The following SLC9B2 variants were observed in gnomAD, a reference collection of about 807,000 sequenced individuals.
SLC9B2 encodes the protein sodium/hydrogen exchanger 9B2.
Under a neutral mutation model 52.2 loss-of-function variants are expected in SLC9B2, and 39 were observed. That is an observed-to-expected ratio of 0.75 (90% CI 0.58 to 0.98). The LOEUF (loss-of-function observed/expected upper bound fraction) is 0.98, where lower values mean the gene tolerates loss of function less well. SLC9B2 is among the 50% of genes least tolerant of loss of function. SLC9B2 has a pLI of 0.00. For missense variants in SLC9B2, 626 were observed against 637.5 expected (o/e 0.98, Z 0.19); for synonymous variants, 214 against 227.0 (o/e 0.94, Z 0.51).
chr4:103,066,184 C>T, intron 3 of SLC9B2, 143 bp downstream of exon 3: 1 of 925,548 alleles, frequency 1.1e-6, no homozygotes, highest in South Asian at 1.8e-5. Context: ...GGAGCAGAGC[C>T]ACCCATGTGT....
rs779008400 is a variant in SLC9B2 at position 103,045,006 on chromosome 4, A to C, written c.890-10T>G. ...TTAAAGACAGTAGAGCCTGAAAAAT[A>C]TATTAAAAAAACTTAGAGCTCTAAA... On this transcript the variant is annotated splice_polypyrimidine_tract_variant and intron_variant, in intron 7 of 11. Transcript: ENST00000394785. 3 of 1,588,970 alleles carry C rather than the reference A, an allele frequency of 1.9e-6. No homozygotes were observed. Among genetic ancestry groups the C allele is most frequent in the Non-Finnish European group, 2.6e-6 (3 of 1,160,016 alleles).
At chr4:103,046,903 C>G in intron 7 of SLC9B2, 148 bp downstream of exon 7, 3 of 886,150 alleles carry the variant, frequency 3.4e-6, no homozygotes. Context: ...AGCTTCTGGA[C>G]CCTCCTTAGG....
intron 3 of SLC9B2, among the ~76,000 whole-genome samples, chr4:103,064,168 C>T (rs559049271): frequency 1.6e-3 from 238 of 152,266 alleles, no homozygotes; most frequent in African/African-American, 5.3e-3. Flanking sequence ...GAAATGAAAT[C>T]GGTATGTTGA....
downstream of SLC9B2, among the ~76,000 whole-genome samples, chr4:103,019,312 C>T (rs1431609651): frequency 6.6e-6 from 1 of 152,130 alleles, no homozygotes; most frequent in African/African-American, 2.4e-5. Flanking sequence ...TCTTAACTGA[C>T]AGATCTCTTC....
At chr4:103,018,409 A>G (rs1380768741), downstream of SLC9B2, among the ~76,000 whole-genome samples, 1 of 152,234 alleles carries the variant, frequency 6.6e-6, no homozygotes, top group Non-Finnish European at 1.5e-5. Context: ...AGTTAAAAAA[A>G]ATTCTGGTAC....
At chr4:103,057,273 T>TATATATACAC (rs1220375909) in intron 4 of SLC9B2, among the ~76,000 whole-genome samples, 3 of 143,224 alleles carry the variant, frequency 2.1e-5, no homozygotes, top group African/African-American at 5.3e-5. Context: ...TATATATATA[T>TATATATACAC]ACACACACAC....
At chr4:103,018,231 C>G (rs942357689), downstream of SLC9B2, among the ~76,000 whole-genome samples, 9 of 152,144 alleles carry the variant, frequency 5.9e-5, no homozygotes, top group African/African-American at 2.2e-4. Context: ...TAGCACCCAC[C>G]TATTTCCTTG....
At chr4:103,071,196 TTTG>T (rs750564896) in intron 1 of SLC9B2, among the ~76,000 whole-genome samples, 14 of 151,554 alleles carry the variant, frequency 9.2e-5, no homozygotes, top group Non-Finnish European at 1.5e-4. Context: ...ATATATATAT[TTTG>T]TTGTTGTTGT....
At chr4:103,072,152 G>A (rs1011981646) in intron 1 of SLC9B2, among the ~76,000 whole-genome samples, 7 of 140,756 alleles carry the variant, frequency 5.0e-5, no homozygotes, top group African/African-American at 1.9e-4. Flanking sequence ...TCTGCCTTCC[G>A]GTTTCAAGCT....
intron 4 of SLC9B2, among the ~76,000 whole-genome samples, chr4:103,053,874 T>C (rs1263943236): frequency 6.6e-6 from 1 of 152,104 alleles, no homozygotes; most frequent in South Asian, 2.1e-4. Flanking sequence ...TGGCTAATTT[T>C]TTGTATTTTT....
chr4:103,075,742 A>G (rs1469409055), intron 1 of SLC9B2, among the ~76,000 whole-genome samples: 2 of 152,188 alleles, frequency 1.3e-5, no homozygotes, highest in South Asian at 2.1e-4. Flanking sequence ...TAGCAAAGCC[A>G]TAATATAAAA....
At chr4:103,058,586 G>T (rs1745364793) in intron 3 of SLC9B2, among the ~76,000 whole-genome samples, 1 of 151,998 alleles carries the variant, frequency 6.6e-6, no homozygotes, top group Non-Finnish European at 1.5e-5. Flanking sequence ...TTTTTTAGTG[G>T]AGACAGGGTT....
chr4:103,063,639 A>C (rs1411671760), intron 3 of SLC9B2, among the ~76,000 whole-genome samples: 1 of 152,240 alleles, frequency 6.6e-6, no homozygotes, highest in African/African-American at 2.4e-5. Context: ...TGGTCTGAGC[A>C]ATAACTTTTT....
At chr4:103,027,506 A>G (rs2110569375) in intron 11 of SLC9B2, among the ~76,000 whole-genome samples, 1 of 152,290 alleles carries the variant, frequency 6.6e-6, no homozygotes, top group South Asian at 2.1e-4. Context: ...AAACATTATG[A>G]AAATTCTCAG....
At chr4:103,042,797 T>C (rs1489339285) in intron 9 of SLC9B2, among the ~76,000 whole-genome samples, 1 of 151,700 alleles carries the variant, frequency 6.6e-6, no homozygotes, top group East Asian at 1.9e-4. Context: ...TAAACTAAAA[T>C]ATATACTATA....
chr4:103,042,687 T>C (rs1275064923), intron 9 of SLC9B2, among the ~76,000 whole-genome samples: 2 of 151,566 alleles, frequency 1.3e-5, no homozygotes, highest in African/African-American at 4.8e-5. Flanking sequence ...GGTAAAAATA[T>C]AAATTGGTAC....
At chr4:103,029,357 G>A (rs1742499332) in intron 10 of SLC9B2, among the ~76,000 whole-genome samples, 1 of 152,168 alleles carries the variant, frequency 6.6e-6, no homozygotes, top group East Asian at 1.9e-4. Flanking sequence ...AACAAACTAA[G>A]GGCATAAAAG....
rs1374188744 is a variant in SLC9B2, at chr4:103,028,861, G to A, written c.1278C>T (p.Gly426=). The A allele has an allele frequency of 1.3e-6, 2 of 1,595,490 alleles. No individual in the cohort carries two copies. Among genetic ancestry groups the A allele is most frequent in the East Asian group, 2.3e-5 (1 of 43,440 alleles). ...TCAAAATTCGTATCAATACTGCAAT[G>A]CCTACGGTGGCAACACAAAGGCCTG... ...ETVGLCVATV[G]IAVLIRILTT... The change falls in exon 11 of 12, where the codon GGC becomes GGT. Residue 426 remains glycine (G), a synonymous_variant. Coordinates refer to ENST00000394785, the MANE Select transcript of SLC9B2 (RefSeq NM_178833.7).
At chr4:103,048,464 T>C (rs1471299990) in intron 6 of SLC9B2, 1 of 153,186 alleles carries the variant, frequency 6.5e-6, no homozygotes, top group Non-Finnish European at 1.5e-5. Flanking sequence ...TTTATTTACT[T>C]TGTGTGGCTC....
Sources: gnomAD v4.1 joint callset for allele counts (sites outside exome capture counted in the v4.1 genomes callset) on GRCh38, gnomAD v4.1.1 for gene constraint, MANE v1.5 for transcripts, NCBI Gene and HGNC (gene_info 2026-07-23, HGNC 2026-07-21) for gene names.